HIP1: variants seen among roughly 807,000 people sequenced by gnomAD.
HIP1 encodes the protein huntingtin-interacting protein 1.
Under a neutral mutation model 147.6 loss-of-function variants are expected in HIP1, and 65 were observed. That is an observed-to-expected ratio of 0.44 (90% CI 0.36 to 0.54). The LOEUF is 0.54. Among genes scored for constraint, HIP1 ranks in the 20% least tolerant of loss-of-function variants. HIP1 has a pLI of 0.00. For synonymous variants in HIP1, 479 were observed against 504.0 expected (o/e 0.95, Z 0.67); for missense variants, 1,061 against 1,299.6 (o/e 0.82, Z 2.82).
intron 7 of HIP1, among the ~76,000 whole-genome samples, chr7:75,578,170 T>C (rs782759951): frequency 6.6e-6 from 1 of 152,154 alleles, no homozygotes; most frequent in Admixed American, 6.6e-5. Context: ...TGTCAGGAAC[T>C]GGAAGGATGA....
chr7:75,558,344 C>T (rs1402230526), intron 14 of HIP1, 89 bp from the exon 15 acceptor site: 1 of 1,013,598 alleles, frequency 9.9e-7, no homozygotes, highest in Admixed American at 1.7e-5. Flanking sequence ...GAAGGTCCTC[C>T]TTGTTTTGTT....
At chr7:75,690,151 T>G (rs1223542912) in intron 1 of HIP1, among the ~76,000 whole-genome samples, 1 of 152,054 alleles carries the variant, frequency 6.6e-6, no homozygotes, top group Non-Finnish European at 1.5e-5. Flanking sequence ...GGCACATGCC[T>G]GTAGTAGTTC....
At position 75,702,945 on chromosome 7, in the gene HIP1, C is replaced by T. The variant is rs145616896; in HGVS notation, c.120+35856G>A. On this transcript the variant is annotated intron_variant, in intron 1 of 30. Coordinates refer to ENST00000336926, the MANE Select transcript of HIP1 (RefSeq NM_005338.7). Reference sequence around the variant, plus strand: ...GATGCAAAATACCTCCCATTAGGCCCCCATCTCCAACACTGGTGATCAGAT... The same window carrying T: ...GATGCAAAATACCTCCCATTAGGCCTCCATCTCCAACACTGGTGATCAGAT... 6.2e-3 allele frequency among the ~76,000 whole-genome samples: 944 copies of T among 152,238 alleles called. 16 individuals are homozygous for T. The highest frequency in any genetic ancestry group is 0.021 in the African/African-American group (879 of 41,534).
intron 1 of HIP1, among the ~76,000 whole-genome samples, chr7:75,715,458 CAGAGAGAG>C (rs1164089551): frequency 0.044 from 4,661 of 106,594 alleles, 239 homozygotes; most frequent in African/African-American, 0.14. Flanking sequence ...GAGACACACA[CAGAGAGAG>C]AGAGAGAGAG....
intron 1 of HIP1, among the ~76,000 whole-genome samples, chr7:75,695,562 G>A (rs138110992): frequency 4.3e-5 from 5 of 116,892 alleles, no homozygotes; most frequent in African/African-American, 2.0e-4. Context: ...TTGTGGAGCG[G>A]TACCAGTTTT....
rs41281695 is a variant in HIP1 at position 75,599,165 on chromosome 7, G to A, written c.184+19C>T. On this transcript the variant is annotated intron_variant, in intron 2 of 30. Transcript: ENST00000336926. ...ACCTCCCTCAGGGTCGGTCTTCCAAGCAACATCCAAAAGGATATTTCTGGC... is the reference window on the plus strand; with the variant it reads ...ACCTCCCTCAGGGTCGGTCTTCCAAACAACATCCAAAAGGATATTTCTGGC... 0.021 allele frequency: 33,427 copies of A among 1,601,690 alleles called. 424 individuals carry two copies. The highest frequency in any genetic ancestry group is 0.023 in the Non-Finnish European group (26,680 of 1,168,826).
In HIP1 at chr7:75,616,240, G is replaced by GC. The variant is rs1446204711; in HGVS notation, c.121-16994dup. ...CACCAGCCAAACCTGGCCTCAGCCT[G>GC]CTTGTGCATGGCCTGTGAGCTAGGA... is the stretch of plus-strand genomic sequence containing the variant. On this transcript the variant is annotated intron_variant, in intron 1 of 30. Transcript: ENST00000336926. 2.0e-5 allele frequency among the ~76,000 whole-genome samples: 3 copies of GC among 152,148 alleles called. No individual in the cohort carries two copies. In the East Asian group the frequency reaches 5.8e-4, roughly 29 times the overall value.
At chr7:75,671,482 G>A (rs1393329391) in intron 1 of HIP1, among the ~76,000 whole-genome samples, 1 of 152,140 alleles carries the variant, frequency 6.6e-6, no homozygotes, top group Non-Finnish European at 1.5e-5. Context: ...CACTTGGCTT[G>A]CTTCCATGTT....
At chr7:75,611,335 T>C (rs1554504861) in intron 1 of HIP1, among the ~76,000 whole-genome samples, 1 of 151,626 alleles carries the variant, frequency 6.6e-6, no homozygotes, top group African/African-American at 2.4e-5. Context: ...GACATGGTGG[T>C]GCGTGCCTGT....
At position 75,538,045 on chromosome 7, in the gene HIP1, G is replaced by C. The variant is rs1470060257; in HGVS notation, c.*127C>G. 1.3e-6 allele frequency: 1 copy of C among 773,544 alleles called. No individual in the cohort carries two copies. Among genetic ancestry groups the C allele is most frequent in the Non-Finnish European group, 2.4e-6 (1 of 424,714 alleles). 47.9% of individuals were successfully genotyped at this position (773,544 alleles called of 1,614,324 possible). A position where few individuals can be genotyped will look rare whatever the true frequency, so the allele number is the denominator to read the frequency against. ...CTTTGGAAGTGTCATGCATGTCCTC[G>C]GCACTGGGTAATGGCAGTGGTGTGG... On this transcript the variant is annotated 3_prime_UTR_variant, in exon 31 of 31. Transcript: ENST00000336926.
chr7:75,559,886 G>T lies in HIP1; in HGVS notation c.1221C>A (p.Gly407=). The change falls in exon 14 of 31, where the codon GGC becomes GGA. Residue 407 remains glycine, a synonymous_variant. Coordinates refer to ENST00000336926, the MANE Select transcript of HIP1 (RefSeq NM_005338.7). ...GATCTGCTTCCAGCTCGCTGACGTGGCCCTTCAGCTGCAGCACAACCCGCT... is the reference window on the plus strand; with the variant it reads ...GATCTGCTTCCAGCTCGCTGACGTGTCCCTTCAGCTGCAGCACAACCCGCT... ...ESQRVVLQLK[G]HVSELEADLA... is the part of the protein sequence containing the mutation. The T allele has an allele frequency of 6.2e-7, 1 of 1,609,106 alleles. No homozygotes were observed. The highest frequency in any genetic ancestry group is 8.5e-7 in the Non-Finnish European group (1 of 1,178,800).
chr7:75,719,725 C>A (rs113719438), intron 1 of HIP1, among the ~76,000 whole-genome samples: 1 of 151,986 alleles, frequency 6.6e-6, no homozygotes, highest in Non-Finnish European at 1.5e-5. Flanking sequence ...TGGCCCTCCA[C>A]GCTCTTTTAA....
At chr7:75,726,387 G>A (rs1317447234) in intron 1 of HIP1, among the ~76,000 whole-genome samples, 4 of 151,550 alleles carry the variant, frequency 2.6e-5, no homozygotes, top group Non-Finnish European at 5.9e-5. Flanking sequence ...GGGTTCAAGC[G>A]ATTCTCCTGC....
chr7:75,728,324 C>T (rs917572136), intron 1 of HIP1, among the ~76,000 whole-genome samples: 1 of 152,236 alleles, frequency 6.6e-6, no homozygotes, highest in Non-Finnish European at 1.5e-5. Context: ...CCTGCCCACA[C>T]ACTGGGAACA....
At chr7:75,627,869 A>G (rs1554508224) in intron 1 of HIP1, among the ~76,000 whole-genome samples, 3 of 152,186 alleles carry the variant, frequency 2.0e-5, no homozygotes. Context: ...GCACAGGGAA[A>G]GGGCCCTGAG....
intron 1 of HIP1, among the ~76,000 whole-genome samples, chr7:75,670,765 A>G (rs1799706864): frequency 6.8e-6 from 1 of 146,248 alleles, no homozygotes; most frequent in Non-Finnish European, 1.5e-5. Context: ...AGGCATGCTC[A>G]CTGTACTCAG....
At chr7:75,687,223 G>A (rs1457102474) in intron 1 of HIP1, among the ~76,000 whole-genome samples, 1 of 152,086 alleles carries the variant, frequency 6.6e-6, no homozygotes, top group Non-Finnish European at 1.5e-5. Context: ...GGCAGCCCCT[G>A]GCCTTCCCTC....
At position 75,535,438 on chromosome 7, in the gene HIP1, C is replaced by T. The variant is rs142947352; in HGVS notation, c.*2734G>A. Reference sequence around the variant, plus strand: ...TGGCACAATCAGGGCTGACTGCAGCCTCGACTTCCCAAGCTCAAGCAATTC... The same window carrying T: ...TGGCACAATCAGGGCTGACTGCAGCTTCGACTTCCCAAGCTCAAGCAATTC... On this transcript the variant is annotated 3_prime_UTR_variant, in exon 31 of 31. Coordinates refer to ENST00000336926, the MANE Select transcript of HIP1 (RefSeq NM_005338.7). The T allele has an allele frequency of 5.5e-6, 1 of 181,612 alleles. No individual in the cohort carries two copies. Among genetic ancestry groups the T allele is most frequent in the Non-Finnish European group, 1.2e-5 (1 of 85,186 alleles). The allele number at this position is 181,612 out of a possible 1,614,324, so 11.3% of individuals were successfully genotyped here.
intron 4 of HIP1, among the ~76,000 whole-genome samples, chr7:75,589,861 G>C (rs1490877275): frequency 1.3e-5 from 2 of 151,650 alleles, no homozygotes; most frequent in Non-Finnish European, 2.9e-5. Context: ...CTCCTGAGTA[G>C]CTGGGACTAC....
Sources: allele counts gnomAD v4.1 joint callset (sites outside exome capture counted in the v4.1 genomes callset), GRCh38; gene constraint gnomAD v4.1.1; transcripts MANE v1.5; gene names NCBI Gene and HGNC (gene_info 2026-07-23, HGNC 2026-07-21).